PAPSS1: variants seen among roughly 807,000 people sequenced by gnomAD.
PAPSS1 encodes bifunctional 3'-phosphoadenosine 5'-phosphosulfate synthase 1.
A neutral mutation model predicts 72.0 loss-of-function variants in PAPSS1; 50 were observed. The ratio of observed to expected loss-of-function variants is 0.69; its 90% CI spans 0.55 to 0.88. PAPSS1 has a LOEUF of 0.88. Among genes scored for constraint, PAPSS1 ranks in the 40% least tolerant of loss-of-function variants. The pLI is 0.00. For synonymous variants in PAPSS1, 261 were observed against 263.6 expected, an observed-to-expected ratio of 0.99 and a Z score of 0.09; for missense variants, 657 against 782.2, an observed-to-expected ratio of 0.84 and a Z score of 1.91.
chr4:107,648,541 C>G (rs1012521424), intron 9 of PAPSS1, among the ~76,000 whole-genome samples: 1 of 152,254 alleles, frequency 6.6e-6, no homozygotes, highest in Admixed American at 6.5e-5. Context: ...ACCCCAACCA[C>G]TGAACATAGA....
At chr4:107,662,283 C>T (rs1727201384) in intron 5 of PAPSS1, among the ~76,000 whole-genome samples, 1 of 152,140 alleles carries the variant, frequency 6.6e-6, no homozygotes, top group Non-Finnish European at 1.5e-5. Context: ...GAGGCACAAA[C>T]CCGGCACAGC....
chr4:107,648,966 T>C (rs1015220440), intron 9 of PAPSS1, among the ~76,000 whole-genome samples: 6 of 152,226 alleles, frequency 3.9e-5, no homozygotes, highest in East Asian at 1.9e-4. Flanking sequence ...ACAAAACTGG[T>C]AAATTCATAT....
chr4:107,671,934 TA>T (rs1369668861), intron 5 of PAPSS1, among the ~76,000 whole-genome samples: 19 of 152,052 alleles, frequency 1.2e-4, no homozygotes, highest in African/African-American at 4.3e-4. Context: ...GAACTCCAGA[TA>T]CAGAGGGCCA....
chr4:107,628,030 T>C (rs115865163), intron 11 of PAPSS1, among the ~76,000 whole-genome samples: 180 of 152,322 alleles, frequency 1.2e-3, no homozygotes, highest in African/African-American at 3.6e-3. Context: ...AGAAGTATAC[T>C]AGAATCTGGG....
In PAPSS1 at chr4:107,625,740, G is replaced by T. The variant is rs374894662; in HGVS notation, c.1736+5891C>A. On this transcript the variant is annotated intron_variant, in intron 11 of 11. Transcript: ENST00000265174. Reference sequence around the variant, plus strand: ...AACAACGAAAAACTAATACAACTGGGAAACACTGATGTACAGGTTTAAAAA... The same window carrying T: ...AACAACGAAAAACTAATACAACTGGTAAACACTGATGTACAGGTTTAAAAA... 5.9e-5 allele frequency among the ~76,000 whole-genome samples: 9 copies of T among 152,238 alleles called. No individual in the cohort carries two copies. The South Asian group carries it at 1.5e-3, about 25-fold the overall frequency.
chr4:107,688,316 C>T (rs564397477), intron 3 of PAPSS1, among the ~76,000 whole-genome samples: 15 of 152,250 alleles, frequency 9.9e-5, no homozygotes, highest in East Asian at 1.9e-4. Context: ...TGGTGTAGCA[C>T]GCTTATAGTC....
At chr4:107,670,004 T>C (rs1727427258) in intron 5 of PAPSS1, among the ~76,000 whole-genome samples, 1 of 152,218 alleles carries the variant, frequency 6.6e-6, no homozygotes. Flanking sequence ...GTTTACTGTA[T>C]GAATAAAATC....
chr4:107,690,653 T>C (rs1435801344), intron 3 of PAPSS1, among the ~76,000 whole-genome samples: 3 of 152,212 alleles, frequency 2.0e-5, no homozygotes, highest in African/African-American at 7.2e-5. Context: ...AATGAACAAA[T>C]ATAATCATGA....
chr4:107,715,735 G>A lies in PAPSS1; in HGVS notation c.60+4385C>T, dbSNP rs533060825. ...TGCATCCTCAGGACCTGGAACAAAGGCACATACAAAGTTTAAGTGTTAAAT... is the reference window on the plus strand; with the variant it reads ...TGCATCCTCAGGACCTGGAACAAAGACACATACAAAGTTTAAGTGTTAAAT... On this transcript the variant is annotated intron_variant, in intron 1 of 11. Coordinates refer to ENST00000265174, the MANE Select transcript of PAPSS1 (RefSeq NM_005443.5). Among the ~76,000 whole-genome samples the A allele has an allele frequency of 4.6e-5, 7 of 152,232 alleles. 1 individual carries two copies. The South Asian group carries it at 1.0e-3, about 23-fold the overall frequency.
intron 8 of PAPSS1, among the ~76,000 whole-genome samples, chr4:107,654,444 G>A (rs1468270433): frequency 1.3e-5 from 2 of 152,066 alleles, no homozygotes; most frequent in Non-Finnish European, 2.9e-5. Flanking sequence ...CCCTGGCCCT[G>A]CATTCCTAGC....
chr4:107,614,238 G>T lies in PAPSS1; in HGVS notation c.*11C>A. ...GTAATGTGTCAAAGGTGGAGTGACT[G>T]GGTTAACAGCCTAAGCTTTCTCCAA... On this transcript the variant is annotated 3_prime_UTR_variant, in exon 12 of 12. Coordinates refer to ENST00000265174, the MANE Select transcript of PAPSS1 (RefSeq NM_005443.5). 1 of 1,611,214 alleles carries T rather than the reference G, an allele frequency of 6.2e-7. No individual in the cohort carries two copies. The highest frequency in any genetic ancestry group is 1.1e-5 in the South Asian group (1 of 90,536).
chr4:107,684,578 G>C (rs1419598172), intron 4 of PAPSS1, among the ~76,000 whole-genome samples: 1 of 152,116 alleles, frequency 6.6e-6, no homozygotes, highest in Non-Finnish European at 1.5e-5. Flanking sequence ...GCCACTGTAA[G>C]ACCTCAAAAG....
At chr4:107,717,486 G>C (rs1206833522) in intron 1 of PAPSS1, among the ~76,000 whole-genome samples, 1 of 152,146 alleles carries the variant, frequency 6.6e-6, no homozygotes, top group East Asian at 1.9e-4. Flanking sequence ...TCATTTTATA[G>C]ATAAGCACAT....
intron 8 of PAPSS1, 60 bp downstream of exon 8, chr4:107,654,635 C>T (rs548801229): frequency 5.1e-6 from 7 of 1,368,710 alleles, no homozygotes; most frequent in African/African-American, 4.3e-5. Context: ...AAAATGCCCA[C>T]ATTTCAGCAC....
At chr4:107,647,565 G>A (rs1726727592) in intron 9 of PAPSS1, among the ~76,000 whole-genome samples, 1 of 152,090 alleles carries the variant, frequency 6.6e-6, no homozygotes, top group South Asian at 2.1e-4. Context: ...TTTTTTTAAA[G>A]TAAAAACCAC....
intron 1 of PAPSS1, among the ~76,000 whole-genome samples, chr4:107,716,174 C>T (rs954383539): frequency 2.0e-5 from 3 of 152,138 alleles, no homozygotes; most frequent in South Asian, 4.1e-4. Flanking sequence ...AGTATGATCA[C>T]AAGATACATA....
chr4:107,712,886 A>AG (rs1241817481), intron 1 of PAPSS1, among the ~76,000 whole-genome samples: 2 of 151,072 alleles, frequency 1.3e-5, no homozygotes, highest in African/African-American at 2.4e-5. Flanking sequence ...AAGAAAAAAA[A>AG]AAAAAGTTGT....
At chr4:107,709,091 G>C (rs1723421329) in intron 1 of PAPSS1, among the ~76,000 whole-genome samples, 1 of 152,124 alleles carries the variant, frequency 6.6e-6, no homozygotes, top group Admixed American at 6.5e-5. Context: ...GCCTACTCTG[G>C]CTCAGGAGGC....
chr4:107,700,992 C>T (rs1301442073), intron 2 of PAPSS1, among the ~76,000 whole-genome samples, 179 bp downstream of exon 2: 2 of 143,246 alleles, frequency 1.4e-5, no homozygotes, highest in Admixed American at 1.4e-4. Flanking sequence ...TAACAGCAAT[C>T]CTATAAAAGA....
Sources: allele counts gnomAD v4.1 joint callset (sites outside exome capture counted in the v4.1 genomes callset), GRCh38; gene constraint gnomAD v4.1.1; transcripts MANE v1.5; gene names NCBI Gene and HGNC (gene_info 2026-07-23, HGNC 2026-07-21).